UBE2N: variants seen among roughly 807,000 people sequenced by gnomAD.
The protein encoded by UBE2N is ubiquitin-conjugating enzyme E2 N.
For missense variants in UBE2N, 60 were observed against 192.1 expected, an observed-to-expected ratio of 0.31 and a Z score of 4.07; for synonymous variants, 70 against 69.2, an observed-to-expected ratio of 1.01 and a Z score of -0.06.
rs1249456629 is a variant in UBE2N, at chr12:93,406,854, A to T, written c.*3185T>A. On this transcript the variant is annotated 3_prime_UTR_variant, in exon 4 of 4. Coordinates refer to ENST00000318066, the MANE Select transcript of UBE2N (RefSeq NM_003348.4). ...ACCAGTTCCCGACAAATACCAAGAG[A>T]TGACTTTACTTTAGACCTAAGATCT... 1 of 152,236 alleles carries T rather than the reference A, an allele frequency of 6.6e-6. No individual in the cohort carries two copies. The highest frequency in any genetic ancestry group is 1.9e-4 in the East Asian group (1 of 5,206). The allele number at this position is 152,236 out of a possible 1,614,324, so 9.4% of individuals were successfully genotyped here. A position where few individuals can be genotyped will look rare whatever the true frequency, so the allele number is the denominator to read the frequency against.
At chr12:93,411,422 T>C (rs1878027381) in intron 1 of UBE2N, 123 bp from the exon 2 acceptor site, 6 of 1,371,396 alleles carry the variant, frequency 4.4e-6, no homozygotes. Flanking sequence ...TCCCAACAGA[T>C]TTAGCTTATA....
At chr12:93,410,513 T>G (rs1474019368) in intron 3 of UBE2N, 2 of 637,530 alleles carry the variant, frequency 3.1e-6, no homozygotes, top group Admixed American at 6.0e-5. Flanking sequence ...CCAGGTGTAG[T>G]TACAAGAGAC....
At position 93,417,772 on chromosome 12, in the gene UBE2N, T is replaced by G. The variant is rs1396859530; in HGVS notation, c.31-6473A>C. 3.9e-5 allele frequency among the ~76,000 whole-genome samples: 6 copies of G among 152,290 alleles called. No homozygotes were observed. In the East Asian group the frequency reaches 1.2e-3, roughly 29 times the overall value. ...CTGTAAACTCCAACCTGTCACTACA[T>G]CTTTAAGCGATTCTAAAATATTAAC... On this transcript the variant is annotated intron_variant, in intron 1 of 3. Coordinates refer to ENST00000318066, the MANE Select transcript of UBE2N (RefSeq NM_003348.4).
intron 1 of UBE2N, among the ~76,000 whole-genome samples, chr12:93,430,827 A>T (rs995128940): frequency 2.3e-4 from 34 of 148,664 alleles, no homozygotes; most frequent in African/African-American, 4.9e-4. Context: ...AAATTTTTTT[A>T]AATTAGTTGG....
intron 1 of UBE2N, among the ~76,000 whole-genome samples, chr12:93,420,659 G>A (rs1489971071): frequency 1.3e-5 from 2 of 152,160 alleles, no homozygotes; most frequent in African/African-American, 4.8e-5. Context: ...ACCCAGAGCT[G>A]ATGAGGAATA....
At chr12:93,422,473 G>C (rs1034124880) in intron 1 of UBE2N, among the ~76,000 whole-genome samples, 13 of 152,202 alleles carry the variant, frequency 8.5e-5, no homozygotes, top group African/African-American at 2.7e-4. Flanking sequence ...TGGGACTGCT[G>C]TGTGCCATGG....
chr12:93,418,749 CAAGT>C, intron 1 of UBE2N, among the ~76,000 whole-genome samples: 1 of 152,090 alleles, frequency 6.6e-6, no homozygotes, highest in South Asian at 2.1e-4. Flanking sequence ...TAAAAAGAAA[CAAGT>C]AAAATTAATT....
rs1335772388 is a variant in UBE2N at position 93,408,466 on chromosome 12, T to C, written c.*1573A>G. 1 of 152,182 alleles carries C rather than the reference T, an allele frequency of 6.6e-6. No homozygotes were observed. The highest frequency in any genetic ancestry group is 1.9e-4 in the East Asian group (1 of 5,202). 9.4% of individuals were successfully genotyped at this position (152,182 alleles called of 1,614,324 possible). On this transcript the variant is annotated 3_prime_UTR_variant, in exon 4 of 4. Coordinates refer to ENST00000318066, the MANE Select transcript of UBE2N (RefSeq NM_003348.4). ...TGAAGAAACTCCAGAATTACGAGAA[T>C]AAGAGTGAAGAAAATTCAAATGGGC...
intron 1 of UBE2N, among the ~76,000 whole-genome samples, chr12:93,420,923 A>G (rs1878388208): frequency 6.6e-6 from 1 of 152,196 alleles, no homozygotes; most frequent in Non-Finnish European, 1.5e-5. Context: ...TAAGCCCCAT[A>G]AAAGCAGGGA....
At chr12:93,417,445 A>C (rs141386190) in intron 1 of UBE2N, among the ~76,000 whole-genome samples, 1 of 152,240 alleles carries the variant, frequency 6.6e-6, no homozygotes, top group African/African-American at 2.4e-5. Flanking sequence ...CAAGGCAATG[A>C]TTGGAGTATG....
chr12:93,424,779 A>T lies in UBE2N; in HGVS notation c.31-13480T>A, dbSNP rs193147059. Among the ~76,000 whole-genome samples the T allele has an allele frequency of 5.9e-5, 9 of 152,350 alleles. No individual in the cohort carries two copies. In the East Asian group the frequency reaches 1.7e-3, roughly 29 times the overall value. ...TTATTACCTAACCCATGGAAAATGG[A>T]TTACACATATGATAATTTTAATGAA... On this transcript the variant is annotated intron_variant, in intron 1 of 3. Transcript: ENST00000318066.
intron 1 of UBE2N, among the ~76,000 whole-genome samples, chr12:93,421,633 A>AT (rs1360744766): frequency 4.0e-5 from 6 of 151,870 alleles, no homozygotes; most frequent in African/African-American, 7.2e-5. Flanking sequence ...AATGTCATAA[A>AT]TTTTTTTTTC....
chr12:93,411,207 G>A lies in UBE2N; in HGVS notation c.123C>T (p.Gly41=). The part of the protein sequence containing the change: ...NARYFHVVIA[G]PQDSPFEGGT... ...CTCCCTCAAAGGGGGAATCCTGAGG[G>A]CCAGCAATGACCACATGAAAATAAC... The change falls in exon 2 of 4, where the codon GGC becomes GGT. Residue 41 remains glycine (G), a synonymous_variant. Transcript: ENST00000318066. 1.2e-6 allele frequency: 2 copies of A among 1,614,202 alleles called. No individual in the cohort carries two copies. Among genetic ancestry groups the A allele is most frequent in the Non-Finnish European group, 1.7e-6 (2 of 1,180,036 alleles).
intron 1 of UBE2N, among the ~76,000 whole-genome samples, chr12:93,416,366 T>C (rs1168971374): frequency 6.6e-6 from 1 of 152,174 alleles, no homozygotes; most frequent in Non-Finnish European, 1.5e-5. Flanking sequence ...TTTTACACTA[T>C]TCTTTGGTGG....
At position 93,406,217 on chromosome 12, in the gene UBE2N, AAGATCATGCCAC is replaced by A. The variant is rs1380887187; in HGVS notation, c.*3810_*3821del. On this transcript the variant is annotated 3_prime_UTR_variant, in exon 4 of 4. Transcript: ENST00000318066. The stretch of plus-strand genomic sequence containing the variant: ...CGGGAGGCAGAACCTGCAGTGAGCC[AAGATCATGCCAC>A]AGCACTCCAGCCTAAACTACAGAGC... 2.8e-5 allele frequency: 4 copies of A among 145,030 alleles called. No homozygotes were observed. Among genetic ancestry groups the A allele is most frequent in the African/African-American group, 5.1e-5 (2 of 39,574 alleles). 9.0% of individuals were successfully genotyped at this position (145,030 alleles called of 1,614,324 possible).
At chr12:93,433,624 A>G (rs551561567) in intron 1 of UBE2N, among the ~76,000 whole-genome samples, 1 of 152,276 alleles carries the variant, frequency 6.6e-6, no homozygotes, top group East Asian at 1.9e-4. Context: ...TATGCCTCTC[A>G]TATTTATTTT....
At chr12:93,441,745 C>A in intron 1 of UBE2N, 110 bp downstream of exon 1, 2 of 1,449,892 alleles carry the variant, frequency 1.4e-6, no homozygotes, top group Non-Finnish European at 1.9e-6. Flanking sequence ...CGCGCCGCCT[C>A]GGGCCTCCCA....
Position 93,407,293 on chromosome 12 carries a change from G to GACA in UBE2N, c.*2743_*2745dup, listed in dbSNP as rs1330596926. ...TGTCCAAGTTACTTCTCTTTTCCAT[G>GACA]ACAGAGTTACAACTATTTGTCTGTC... On this transcript the variant is annotated 3_prime_UTR_variant, in exon 4 of 4. Transcript: ENST00000318066. 1 of 152,276 alleles carries GACA rather than the reference G, an allele frequency of 6.6e-6. No individual in the cohort carries two copies. Among genetic ancestry groups the GACA allele is most frequent in the Non-Finnish European group, 1.5e-5 (1 of 68,118 alleles). The allele number at this position is 152,276 out of a possible 1,614,324, so 9.4% of individuals were successfully genotyped here.
intron 1 of UBE2N, among the ~76,000 whole-genome samples, chr12:93,421,169 C>T (rs1240588612): frequency 7.1e-6 from 1 of 139,984 alleles, no homozygotes; most frequent in African/African-American, 2.8e-5. Context: ...AGTCTGGTTT[C>T]AGGATGTGTT....
Sources: allele counts gnomAD v4.1 joint callset (sites outside exome capture counted in the v4.1 genomes callset), GRCh38; gene constraint gnomAD v4.1.1; transcripts MANE v1.5; gene names NCBI Gene and HGNC (gene_info 2026-07-23, HGNC 2026-07-21).